Variants in SGMS1 observed in about 807,000 individuals in gnomAD.
The protein encoded by SGMS1 is phosphatidylcholine:ceramide cholinephosphotransferase 1.
A neutral mutation model predicts 46.2 loss-of-function variants in SGMS1; 13 were observed. The observed-to-expected ratio is 0.28, with a 90% CI of 0.18 to 0.45. The LOEUF (loss-of-function observed/expected upper bound fraction) is 0.45. SGMS1 is among the 20% of genes least tolerant of loss of function. The pLI, the probability that SGMS1 is intolerant of heterozygous loss-of-function variation, is 1.00. For synonymous variants in SGMS1, 203 were observed against 187.8 expected, an observed-to-expected ratio of 1.08 and a Z score of -0.66; for missense variants, 324 against 519.9, an observed-to-expected ratio of 0.62 and a Z score of 3.66.
At chr10:50,449,395 G>A (rs1837071234) in intron 5 of SGMS1, among the ~76,000 whole-genome samples, 1 of 152,142 alleles carries the variant, frequency 6.6e-6, no homozygotes, top group Admixed American at 6.5e-5. Context: ...CTTTGATTAT[G>A]ACAGATCTGA....
chr10:50,621,950 G>A (rs771378981), intron 1 of SGMS1, among the ~76,000 whole-genome samples: 1 of 152,194 alleles, frequency 6.6e-6, no homozygotes, highest in Non-Finnish European at 1.5e-5. Flanking sequence ...ATTTTAAGAG[G>A]CGCAGTAAGG....
At chr10:50,466,655 G>GAAAAAAAA (rs139710850) in intron 4 of SGMS1, among the ~76,000 whole-genome samples, 1 of 151,916 alleles carries the variant, frequency 6.6e-6, no homozygotes, top group African/African-American at 2.4e-5. Flanking sequence ...TCTGGGGTAG[G>GAAAAAAAA]AAAAAAGCAT....
intron 6 of SGMS1, among the ~76,000 whole-genome samples, chr10:50,393,579 C>T (rs893273267): frequency 8.5e-5 from 13 of 152,058 alleles, no homozygotes; most frequent in Non-Finnish European, 1.8e-4. Flanking sequence ...TAAGGAGGCA[C>T]GTCAGGCAAT....
intron 6 of SGMS1, among the ~76,000 whole-genome samples, chr10:50,403,805 G>A (rs926101499): frequency 2.0e-5 from 3 of 150,256 alleles, no homozygotes; most frequent in African/African-American, 7.4e-5. Context: ...CACAGGTATG[G>A]GACATGGTAG....
chr10:50,583,874 C>A (rs1255339265), intron 2 of SGMS1, among the ~76,000 whole-genome samples: 1 of 152,170 alleles, frequency 6.6e-6, no homozygotes, highest in Non-Finnish European at 1.5e-5. Flanking sequence ...CTAGTCTTGA[C>A]AAAGCAACAC....
chr10:50,590,565 T>G (rs1838530827), intron 1 of SGMS1: 2 of 152,100 alleles, frequency 1.3e-5, no homozygotes, highest in African/African-American at 2.4e-5. Context: ...GTGTACAAGG[T>G]GATGGTTTTA....
At chr10:50,576,481 T>TG (rs1160875030) in intron 2 of SGMS1, among the ~76,000 whole-genome samples, 1 of 152,200 alleles carries the variant, frequency 6.6e-6, no homozygotes, top group East Asian at 1.9e-4. Context: ...ATTCCATAAA[T>TG]GCCACCCTTT....
At chr10:50,390,625 A>G (rs1017040956) in intron 6 of SGMS1, among the ~76,000 whole-genome samples, 1 of 151,478 alleles carries the variant, frequency 6.6e-6, no homozygotes, top group South Asian at 2.1e-4. Context: ...GTAATGGAAC[A>G]AGACCCTGCC....
At chr10:50,606,305 G>C (rs1034032238) in intron 1 of SGMS1, among the ~76,000 whole-genome samples, 1 of 152,168 alleles carries the variant, frequency 6.6e-6, no homozygotes, top group Non-Finnish European at 1.5e-5. Context: ...TTTTCCAGGG[G>C]CTAGGGGTAA....
chr10:50,603,983 T>C (rs776869698), intron 1 of SGMS1, among the ~76,000 whole-genome samples: 2 of 152,214 alleles, frequency 1.3e-5, no homozygotes, highest in Non-Finnish European at 2.9e-5. Context: ...ACATTAACCA[T>C]TCTGGAAACA....
intron 8 of SGMS1, among the ~76,000 whole-genome samples, chr10:50,321,547 G>GA (rs931408063): frequency 6.6e-6 from 1 of 151,666 alleles, no homozygotes; most frequent in African/African-American, 2.4e-5. Context: ...GCAAGAAGCA[G>GA]AAAAAAAAGA....
At chr10:50,593,991 C>T (rs1246416773) in intron 1 of SGMS1, among the ~76,000 whole-genome samples, 7 of 152,172 alleles carry the variant, frequency 4.6e-5, no homozygotes, top group Non-Finnish European at 2.9e-5. Flanking sequence ...AGCTGGACTA[C>T]GGATTGCACG....
chr10:50,473,731 C>T (rs1837397488), intron 3 of SGMS1, among the ~76,000 whole-genome samples: 1 of 152,088 alleles, frequency 6.6e-6, no homozygotes, highest in African/African-American at 2.4e-5. Context: ...ATCTGTTCAC[C>T]CACTCCCATT....
intron 6 of SGMS1, among the ~76,000 whole-genome samples, chr10:50,382,607 A>G (rs1430612447): frequency 7.3e-6 from 1 of 136,370 alleles, no homozygotes; most frequent in Non-Finnish European, 1.6e-5. Flanking sequence ...TCCCCACTCC[A>G]TTCTGACCAA....
intron 2 of SGMS1, among the ~76,000 whole-genome samples, chr10:50,558,951 G>A (rs950576549): frequency 1.3e-5 from 2 of 152,086 alleles, no homozygotes; most frequent in Non-Finnish European, 2.9e-5. Context: ...GTTATGTTTT[G>A]GGGGAGTCAA....
chr10:50,331,141 C>T (rs979469301), intron 7 of SGMS1, among the ~76,000 whole-genome samples: 1 of 152,166 alleles, frequency 6.6e-6, no homozygotes, highest in African/African-American at 2.4e-5. Flanking sequence ...AACGACCACA[C>T]TACTAAAAAA....
chr10:50,479,747 GA>G (rs1837459514), intron 3 of SGMS1, among the ~76,000 whole-genome samples: 1 of 152,004 alleles, frequency 6.6e-6, no homozygotes, highest in Non-Finnish European at 1.5e-5. Flanking sequence ...ACCACCAAGG[GA>G]AAATCTTTGA....
chr10:50,545,705 G>A (rs1185453729), intron 2 of SGMS1, among the ~76,000 whole-genome samples: 1 of 152,114 alleles, frequency 6.6e-6, no homozygotes, highest in African/African-American at 2.4e-5. Flanking sequence ...CCAAAATGCT[G>A]GGATTACAGA....
intron 2 of SGMS1, among the ~76,000 whole-genome samples, chr10:50,527,270 C>T (rs1212945676): frequency 6.6e-6 from 1 of 152,060 alleles, no homozygotes; most frequent in Non-Finnish European, 1.5e-5. Context: ...AGGACATCAT[C>T]ACCTTATTGT....
Sources: gnomAD v4.1 joint callset for allele counts (sites outside exome capture counted in the v4.1 genomes callset) on GRCh38, gnomAD v4.1.1 for gene constraint, MANE v1.5 for transcripts, NCBI Gene and HGNC (gene_info 2026-07-23, HGNC 2026-07-21) for gene names.